NPR1: variants seen among roughly 807,000 people sequenced by gnomAD.
The protein encoded by NPR1 is atrial natriuretic peptide receptor 1.
In NPR1, 57 loss-of-function variants were observed where a neutral mutation model predicts 116.9. That is an observed-to-expected ratio of 0.49 (90% CI 0.39 to 0.61). The LOEUF (loss-of-function observed/expected upper bound fraction) is 0.61. NPR1 is among the 20% of genes least tolerant of loss of function. The pLI is 0.00. For missense variants in NPR1, 1,096 were observed against 1,409.8 expected (o/e 0.78, Z 3.56); for synonymous variants, 555 against 601.6 (o/e 0.92, Z 1.13).
rs12087210 is a variant in NPR1 at position 153,687,833 on chromosome 1, G to A, written c.2248+44G>A. 418 of 1,538,542 alleles carry A rather than the reference G, an allele frequency of 2.7e-4. No individual in the cohort carries two copies. In the African/African-American group the frequency reaches 4.5e-3, roughly 17 times the overall value. ...CCTTAAACCCAGCCACAGTCTCAACGAACCCCAGCCCCAGGGAGAGGGTCC... is the reference window on the plus strand; with the variant it reads ...CCTTAAACCCAGCCACAGTCTCAACAAACCCCAGCCCCAGGGAGAGGGTCC... On this transcript the variant is annotated intron_variant, in intron 14 of 21. Coordinates refer to ENST00000368680, the MANE Select transcript of NPR1 (RefSeq NM_000906.4).
Position 153,689,681 on chromosome 1 carries a change from G to C in NPR1, c.2758-125G>C. On this transcript the variant is annotated intron_variant, in intron 18 of 21. Transcript: ENST00000368680. The surrounding 1 kb of genome is among the most constrained non-coding windows in gnomAD (Gnocchi z 5.1). Reference sequence around the variant, plus strand: ...ACCCGGGAACAGGCAGAGAACCCATGTGGGATGGGGGATGAGCAAAGACAG... The same window carrying C: ...ACCCGGGAACAGGCAGAGAACCCATCTGGGATGGGGGATGAGCAAAGACAG... The C allele has an allele frequency of 8.0e-7, 1 of 1,244,722 alleles. No individual in the cohort carries two copies. The highest frequency in any genetic ancestry group is 1.1e-6 in the Non-Finnish European group (1 of 891,170). 77.1% of individuals were successfully genotyped at this position (1,244,722 alleles called of 1,614,324 possible).
Position 153,679,159 on chromosome 1 carries a change from CCTGCTGCTGCCGCCGCTG to C in NPR1, c.62_79del (p.Pro21_Leu26del). ...GCTCCCGCCTGCGCCTGCTCCTGCT[CCTGCTGCTGCCGCCGCTG>C]CTGCTGCTGCTCCGGGGCAGCCACG... On this transcript the variant is annotated inframe_deletion, in exon 1 of 22. Coordinates refer to ENST00000368680, the MANE Select transcript of NPR1 (RefSeq NM_000906.4). This position sits in a 1 kb window ranked among gnomAD's most constrained non-coding sequence, Gnocchi z 4.2. The C allele has an allele frequency of 6.7e-7, 1 of 1,499,522 alleles. No individual in the cohort carries two copies. The highest frequency in any genetic ancestry group is 8.8e-7 in the Non-Finnish European group (1 of 1,131,184). The allele number at this position is 1,499,522 out of a possible 1,614,324, so 92.9% of individuals were successfully genotyped here. A position where few individuals can be genotyped will look rare whatever the true frequency, so the allele number is the denominator to read the frequency against.
rs61757351 is a variant in NPR1 at position 153,681,540 on chromosome 1, A to G, written c.1036-164A>G. On this transcript the variant is annotated intron_variant, in intron 3 of 21. Transcript: ENST00000368680. The stretch of plus-strand genomic sequence containing the variant: ...CTAGTAGGATTCAGGAAGTGATGCT[A>G]ATCCAAAGGCATCGTTTAAATAGTA... The G allele has an allele frequency of 7.7e-4, 560 of 731,266 alleles. 1 individual carries two copies. The highest frequency in any genetic ancestry group is 1.1e-3 in the Non-Finnish European group (504 of 447,490). The allele number at this position is 731,266 out of a possible 1,614,324, so 45.3% of individuals were successfully genotyped here. A position where few individuals can be genotyped will look rare whatever the true frequency, so the allele number is the denominator to read the frequency against.
At chr1:153,681,957 C>T (rs756423204) in intron 4 of NPR1, 118 bp downstream of exon 4, 11 of 1,254,062 alleles carry the variant, frequency 8.8e-6, no homozygotes, top group Non-Finnish European at 1.2e-5. Context: ...CCAGCCTTTT[C>T]CTCCACAGCT....
intron 8 of NPR1, 123 bp from the exon 9 acceptor site, chr1:153,685,683 A>G: frequency 1.3e-6 from 1 of 768,010 alleles, no homozygotes; most frequent in Non-Finnish European, 2.2e-6. Flanking sequence ...CCCAACAACA[A>G]AAAGGAAGGG....
chr1:153,683,839 G>A lies in NPR1; in HGVS notation c.1484+15G>A, dbSNP rs61757356. On this transcript the variant is annotated intron_variant, in intron 7 of 21. Coordinates refer to ENST00000368680, the MANE Select transcript of NPR1 (RefSeq NM_000906.4). ...TTCATATACAGGTGAGCTGTGATGT[G>A]GGGGGTTGAGTGAGGCTGGGGGACC... 4.1e-3 allele frequency: 6,657 copies of A among 1,610,500 alleles called. 193 individuals are homozygous for A. The African/African-American group carries it at 0.072, about 17-fold the overall frequency.
At chr1:153,682,821 CA>C (rs935380875) in intron 5 of NPR1, among the ~76,000 whole-genome samples, 26 of 152,336 alleles carry the variant, frequency 1.7e-4, no homozygotes, top group African/African-American at 6.3e-4. Flanking sequence ...GGAGGGAGCA[CA>C]AGCCTGCCCT....
Position 153,680,502 on chromosome 1 carries a change from TATCTAC to T in NPR1, c.728_733del (p.Tyr243_Ile244del). 6.2e-7 allele frequency: 1 copy of T among 1,614,078 alleles called. No individual in the cohort carries two copies. The highest frequency in any genetic ancestry group is 8.5e-7 in the Non-Finnish European group (1 of 1,179,950). ...CTCTGACTCTCCGTCTTTCTCCAGT[TATCTAC>T]ATCTGCAGCTCCCCTGATGCCTTCA... On this transcript the variant is annotated inframe_deletion and splice_region_variant, in exon 2 of 22. Transcript: ENST00000368680.
intron 3 of NPR1, 140 bp from the exon 4 acceptor site, chr1:153,681,564 T>A (rs1054696550): frequency 2.3e-6 from 2 of 888,418 alleles, no homozygotes; most frequent in African/African-American, 3.4e-5. Context: ...GTTTAAATAG[T>A]AAAATCTCCC....
At position 153,688,881 on chromosome 1, in the gene NPR1, C is replaced by T. The variant is rs887797907; in HGVS notation, c.2418-72C>T. The T allele has an allele frequency of 3.7e-5, 59 of 1,577,586 alleles. No individual in the cohort carries two copies. The Middle Eastern group carries it at 5.0e-4, about 13-fold the overall frequency. ...CACTGCAGTCTGGAGGGGGAAGTGC[C>T]TAGGGGCGGGCGCTCACGGTAGGCT... On this transcript the variant is annotated intron_variant, in intron 15 of 21. Transcript: ENST00000368680.
intron 4 of NPR1, 25 bp downstream of exon 4, chr1:153,681,864 T>A (rs773884873): frequency 2.7e-5 from 44 of 1,610,988 alleles, no homozygotes; most frequent in Non-Finnish European, 3.5e-5. Context: ...GTGGCTGGAA[T>A]GGGCTGCCTT....
intron 13 of NPR1, 71 bp from the exon 14 acceptor site, chr1:153,687,563 C>T (rs1196379456): frequency 2.6e-6 from 4 of 1,521,340 alleles, no homozygotes; most frequent in Non-Finnish European, 3.5e-6. Flanking sequence ...GTTTCGGCCA[C>T]ACCCTTGTTT....
chr1:153,683,246 C>T, intron 5 of NPR1, 130 bp from the exon 6 acceptor site: 1 of 1,046,158 alleles, frequency 9.6e-7, no homozygotes, highest in Non-Finnish European at 1.4e-6. Context: ...ACTTGGTAAG[C>T]AGGTGACAAC....
Position 153,681,733 on chromosome 1 carries a change from C to T in NPR1, c.1065C>T (p.Asp355=), listed in dbSNP as rs200678502. Residue 355 remains aspartate (D), a synonymous_variant, in exon 4 of 22, where the codon GAC becomes GAT. Coordinates refer to ENST00000368680, the MANE Select transcript of NPR1 (RefSeq NM_000906.4). ...ACACCATCCCAGCATCCTTCCACGACGGGCTCCTGCTCTATATCCAGGCAG... is the reference window on the plus strand; with the variant it reads ...ACACCATCCCAGCATCCTTCCACGATGGGCTCCTGCTCTATATCCAGGCAG... ...LVNTIPASFH[D]GLLLYIQAVT... 34 of 1,613,934 alleles carry T rather than the reference C, an allele frequency of 2.1e-5. No homozygotes were observed. The highest frequency in any genetic ancestry group is 2.0e-4 in the Admixed American group (12 of 59,992).
intron 15 of NPR1, 146 bp downstream of exon 15, chr1:153,688,367 C>G: frequency 2.6e-6 from 2 of 756,420 alleles, no homozygotes; most frequent in African/African-American, 3.5e-5. Flanking sequence ...CTCAGCACAG[C>G]CTCATGACCC....
In NPR1 at chr1:153,681,311, G is replaced by C. The variant is rs761109601; in HGVS notation, c.1035+18G>C. The C allele has an allele frequency of 1.4e-6, 2 of 1,472,134 alleles. No individual in the cohort carries two copies. Among genetic ancestry groups the C allele is most frequent in the East Asian group, 4.5e-5 (2 of 44,150 alleles). The allele number at this position is 1,472,134 out of a possible 1,614,324, so 91.2% of individuals were successfully genotyped here. ...ATGGCCTGGTAAGAAGGGGTCCCGG[G>C]ACCCTCCAGCGTGGACCTCCAGCCC... is the stretch of plus-strand genomic sequence containing the variant. On this transcript the variant is annotated intron_variant, in intron 3 of 21. Transcript: ENST00000368680.
intron 8 of NPR1, 22 bp downstream of exon 8, chr1:153,685,106 T>C (rs755980855): frequency 2.4e-5 from 39 of 1,612,024 alleles, no homozygotes; most frequent in Admixed American, 3.3e-5. Flanking sequence ...GGTGTTTGTG[T>C]TGGGGGGCAA....
chr1:153,690,461 C>T, intron 20 of NPR1, 79 bp downstream of exon 20: 3 of 1,058,230 alleles, frequency 2.8e-6, no homozygotes, highest in Non-Finnish European at 4.2e-6. Flanking sequence ...CCTGTGCCTG[C>T]ACAGCCCGTT....
In NPR1 at chr1:153,684,988, G is replaced by T; in HGVS notation, c.1509G>T (p.Leu503=). The change falls in exon 8 of 22, where the codon CTG becomes CTT. Residue 503 remains leucine, a synonymous_variant. Coordinates refer to ENST00000368680, the MANE Select transcript of NPR1 (RefSeq NM_000906.4). Reference sequence around the variant, plus strand: ...GGAAGATGCAGCTGGAGAAGGAACTGGCCTCGGAGCTGTGGCGGGTGCGCT... The same window carrying T: ...GGAAGATGCAGCTGGAGAAGGAACTTGCCTCGGAGCTGTGGCGGGTGCGCT... ...IYRKMQLEKE[L]ASELWRVRWE... The T allele has an allele frequency of 6.2e-7, 1 of 1,614,132 alleles. No homozygotes were observed.
Sources: allele counts gnomAD v4.1 joint callset (sites outside exome capture counted in the v4.1 genomes callset), GRCh38; gene constraint gnomAD v4.1.1; non-coding constraint Gnocchi (gnomAD v3.1); transcripts MANE v1.5; gene names NCBI Gene and HGNC (gene_info 2026-07-23, HGNC 2026-07-21).